Variants in MRPS6 observed in about 807,000 individuals in gnomAD.
MRPS6 encodes the protein small ribosomal subunit protein bS6m.
MRPS6 carries 6 observed loss-of-function variants against 13.1 expected under a neutral mutation model. That is an observed-to-expected ratio of 0.46 (90% CI 0.25 to 0.91). The LOEUF (loss-of-function observed/expected upper bound fraction) is 0.91. Ranked by LOEUF, MRPS6 falls within the 40% of genes least tolerant of loss-of-function variation. The pLI, the probability that MRPS6 is intolerant of heterozygous loss-of-function variation, is 0.18. For synonymous variants in MRPS6, 61 were observed against 56.5 expected (o/e 1.08, Z -0.36); for missense variants, 164 against 155.6 (o/e 1.05, Z -0.29).
chr21:34,100,724 T>TGAGA, intron 1 of MRPS6: 1 of 1,000,028 alleles, frequency 1.0e-6, no homozygotes, highest in Non-Finnish European at 1.2e-6. Context: ...TTAACTCTTG[T>TGAGA]GAGAGCCAAT....
chr21:34,099,391 T>C (rs1979127615), intron 1 of MRPS6: 1 of 1,000,266 alleles, frequency 1.0e-6, no homozygotes, highest in Non-Finnish European at 1.2e-6. Flanking sequence ...CAATGTTTTG[T>C]CCTGTTTTTT....
At chr21:34,102,443 C>A (rs1224885227) in intron 1 of MRPS6, 2 of 999,842 alleles carry the variant, frequency 2.0e-6, no homozygotes, top group Non-Finnish European at 2.4e-6. Flanking sequence ...GGGGTAAGCA[C>A]CTAATTTATC....
chr21:34,083,657 A>G (rs1211222563), intron 1 of MRPS6, among the ~76,000 whole-genome samples: 2 of 152,138 alleles, frequency 1.3e-5, no homozygotes, highest in Non-Finnish European at 2.9e-5. Flanking sequence ...CAGTTGTATG[A>G]AGTATAGTAT....
intron 1 of MRPS6, chr21:34,099,521 G>T: frequency 1.0e-6 from 1 of 999,066 alleles, no homozygotes; most frequent in South Asian, 4.7e-5. Flanking sequence ...CCACATTACT[G>T]TGTAATTCAC....
intron 1 of MRPS6, among the ~76,000 whole-genome samples, chr21:34,080,934 T>C (rs1049098058): frequency 2.7e-4 from 41 of 152,264 alleles, no homozygotes; most frequent in Non-Finnish European, 2.4e-4. Flanking sequence ...GTTGTGTTGA[T>C]TTCCAAGACT....
intron 2 of MRPS6, among the ~76,000 whole-genome samples, chr21:34,141,719 G>T (rs1193280546): frequency 6.6e-6 from 1 of 152,210 alleles, no homozygotes; most frequent in Non-Finnish European, 1.5e-5. Flanking sequence ...AGTGGGTAGG[G>T]ATGGGCTCTT....
At chr21:34,097,434 T>G in intron 1 of MRPS6, 1 of 1,505,108 alleles carries the variant, frequency 6.6e-7, no homozygotes, top group Non-Finnish European at 8.8e-7. Flanking sequence ...ACTGTGCATC[T>G]CTCAGGCATT....
Position 34,125,591 on chromosome 21 carries a change from C to T in MRPS6, c.185+111C>T. ...TTTCACATTGAGACCCCTGTTGCGC[C>T]TAGGTGTCCTTTGGGTACACACTCT... On this transcript the variant is annotated intron_variant, in intron 2 of 2. Coordinates refer to ENST00000399312, the MANE Select transcript of MRPS6 (RefSeq NM_032476.4). 4 of 1,479,298 alleles carry T rather than the reference C, an allele frequency of 2.7e-6. No individual in the cohort carries two copies. The South Asian group carries it at 5.5e-5, about 20-fold the overall frequency. 91.6% of individuals were successfully genotyped at this position (1,479,298 alleles called of 1,614,324 possible). A position where few individuals can be genotyped will look rare whatever the true frequency, so the allele number is the denominator to read the frequency against.
At chr21:34,097,996 T>C (rs1015893140) in intron 1 of MRPS6, 1 of 999,200 alleles carries the variant, frequency 1.0e-6, no homozygotes. Context: ...CAGTTCCTTT[T>C]TTTTTTTCTT....
At chr21:34,086,303 GATTA>G (rs1490179188) in intron 1 of MRPS6, among the ~76,000 whole-genome samples, 1 of 152,176 alleles carries the variant, frequency 6.6e-6, no homozygotes, top group East Asian at 1.9e-4. Flanking sequence ...TTAGAGAAAA[GATTA>G]ATTCTTGGTG....
chr21:34,090,488 G>A (rs1027058301), intron 1 of MRPS6, among the ~76,000 whole-genome samples: 1 of 152,148 alleles, frequency 6.6e-6, no homozygotes, highest in Non-Finnish European at 1.5e-5. Context: ...TGAGACAGTT[G>A]GGAGTCTAAA....
intron 1 of MRPS6, among the ~76,000 whole-genome samples, chr21:34,075,712 G>A (rs973360503): frequency 1.3e-5 from 2 of 152,158 alleles, no homozygotes; most frequent in African/African-American, 4.8e-5. Context: ...TTAAACAATA[G>A]CTTCTCAGTT....
intron 1 of MRPS6, among the ~76,000 whole-genome samples, chr21:34,080,036 G>T (rs894209183): frequency 1.3e-5 from 2 of 152,156 alleles, no homozygotes; most frequent in Non-Finnish European, 2.9e-5. Flanking sequence ...TAGTTGAACT[G>T]CTCATGTTGT....
intron 1 of MRPS6, among the ~76,000 whole-genome samples, chr21:34,090,896 G>A (rs1351653055): frequency 6.6e-6 from 1 of 152,216 alleles, no homozygotes; most frequent in African/African-American, 2.4e-5. Flanking sequence ...CTACATAGAT[G>A]TGGTACCTAC....
chr21:34,125,939 G>C (rs1022714130), intron 2 of MRPS6, among the ~76,000 whole-genome samples: 5 of 152,170 alleles, frequency 3.3e-5, no homozygotes, highest in Non-Finnish European at 4.4e-5. Flanking sequence ...TCCAAGTAAT[G>C]ATCACAGTTT....
At chr21:34,083,835 A>G (rs1785418442) in intron 1 of MRPS6, among the ~76,000 whole-genome samples, 1 of 152,178 alleles carries the variant, frequency 6.6e-6, no homozygotes. Flanking sequence ...ATTTTTCCTA[A>G]TGTCACTGTC....
chr21:34,116,461 C>T (rs1229276834), intron 1 of MRPS6, among the ~76,000 whole-genome samples: 12 of 151,584 alleles, frequency 7.9e-5, no homozygotes, highest in Admixed American at 7.9e-4. Flanking sequence ...CAGTGGAAAT[C>T]GTTTATTGAA....
chr21:34,073,743 CG>C lies in MRPS6; in HGVS notation c.45+1del. ...ELALILKAMQRPETAATLKRT... is the reference protein window; with the variant it reads ...ELALILKAMQXPETAATLKRT... ...GGCTTTAATCCTGAAAGCCATGCAG[CG>C]GGTAAGTGACCTTCCCTCAGAGCCG... On this transcript the variant is annotated frameshift_variant and splice_region_variant, in exon 1 of 3. Coordinates refer to ENST00000399312, the MANE Select transcript of MRPS6 (RefSeq NM_032476.4). LOFTEE classifies it high-confidence loss of function. 6.6e-7 allele frequency: 1 copy of C among 1,523,510 alleles called. No homozygotes were observed. The highest frequency in any genetic ancestry group is 8.8e-7 in the Non-Finnish European group (1 of 1,130,352). 94.4% of individuals were successfully genotyped at this position (1,523,510 alleles called of 1,614,324 possible).
chr21:34,101,258 C>T (rs1432552499), intron 1 of MRPS6: 1 of 1,000,158 alleles, frequency 1.0e-6, no homozygotes, highest in Non-Finnish European at 1.2e-6. Flanking sequence ...GCTTGAAGCA[C>T]CTTGGCTCTC....
Sources: gnomAD v4.1 joint callset for allele counts (sites outside exome capture counted in the v4.1 genomes callset) on GRCh38, gnomAD v4.1.1 for gene constraint, MANE v1.5 for transcripts, NCBI Gene and HGNC (gene_info 2026-07-23, HGNC 2026-07-21) for gene names.